The following AGBL1 variants were observed in gnomAD, a reference collection of about 807,000 sequenced individuals.
AGBL1 encodes the protein AGBL carboxypeptidase 1, also known as cytosolic carboxypeptidase 4.
Under a neutral mutation model 118.9 loss-of-function variants are expected in AGBL1, and 130 were observed. The ratio of observed to expected loss-of-function variants is 1.09; its 90% CI spans 0.95 to 1.26. The LOEUF (loss-of-function observed/expected upper bound fraction) is 1.26. AGBL1 is among the 50% of genes most tolerant of loss of function. AGBL1 has a pLI of 0.00. For missense variants in AGBL1, 1,584 were observed against 1,298.1 expected (o/e 1.22, Z -3.38); for synonymous variants, 555 against 478.9 (o/e 1.16, Z -2.08).
intron 18 of AGBL1, among the ~76,000 whole-genome samples, chr15:86,493,545 T>C (rs1045534037): frequency 6.6e-6 from 1 of 152,036 alleles, no homozygotes; most frequent in Non-Finnish European, 1.5e-5. Flanking sequence ...CTTGGCCCAT[T>C]GAGAGCCAGA....
At chr15:86,714,164 G>T (rs1020960004) in intron 22 of AGBL1, among the ~76,000 whole-genome samples, 2 of 152,204 alleles carry the variant, frequency 1.3e-5, no homozygotes, top group East Asian at 1.9e-4. Context: ...TATAAACACA[G>T]AATTAATTAT....
intron 22 of AGBL1, among the ~76,000 whole-genome samples, chr15:86,739,980 C>T (rs966986239): frequency 2.6e-5 from 4 of 152,180 alleles, no homozygotes; most frequent in Non-Finnish European, 5.9e-5. Flanking sequence ...ACCCCTTTCA[C>T]CTTTAAAGCC....
chr15:86,894,006 T>C (rs907018579), intron 22 of AGBL1, among the ~76,000 whole-genome samples: 1 of 152,210 alleles, frequency 6.6e-6, no homozygotes, highest in Admixed American at 6.5e-5. Flanking sequence ...TATCTGACTC[T>C]AATTTTATGT....
downstream of AGBL1, among the ~76,000 whole-genome samples, chr15:86,920,867 C>T (rs2080475721): frequency 6.6e-6 from 1 of 152,122 alleles, no homozygotes; most frequent in Non-Finnish European, 1.5e-5. Context: ...CTTCATTTTG[C>T]CTGAGCTGGG....
At chr15:87,012,296 C>T (rs937027958) in intron 24 of AGBL1, among the ~76,000 whole-genome samples, 1 of 150,630 alleles carries the variant, frequency 6.6e-6, no homozygotes, top group African/African-American at 2.4e-5. Context: ...AATGTAGTAA[C>T]ATAAAGCTAA....
intron 23 of AGBL1, among the ~76,000 whole-genome samples, chr15:86,953,829 T>C (rs1297226170): frequency 5.3e-5 from 8 of 152,184 alleles, no homozygotes; most frequent in African/African-American, 1.9e-4. Flanking sequence ...TGGAAGAGTC[T>C]TTAGGGTTTT....
chr15:86,273,017 A>G (rs1216979915), intron 15 of AGBL1, among the ~76,000 whole-genome samples: 1 of 152,242 alleles, frequency 6.6e-6, no homozygotes, highest in Non-Finnish European at 1.5e-5. Flanking sequence ...TGGTGTGTCA[A>G]GAATGACTTT....
At chr15:86,313,111 T>G (rs1359534334) in intron 17 of AGBL1, among the ~76,000 whole-genome samples, 1 of 152,168 alleles carries the variant, frequency 6.6e-6, no homozygotes, top group African/African-American at 2.4e-5. Context: ...GATGGAAGCT[T>G]AATTTGAGGT....
chr15:86,393,347 T>A (rs1205935016), intron 17 of AGBL1, among the ~76,000 whole-genome samples: 4 of 152,184 alleles, frequency 2.6e-5, no homozygotes, highest in Non-Finnish European at 5.9e-5. Context: ...AATGGAAGTG[T>A]TTTGTTAGTG....
intron 22 of AGBL1, among the ~76,000 whole-genome samples, chr15:86,898,471 C>T (rs1419307210): frequency 6.6e-6 from 1 of 152,086 alleles, no homozygotes; most frequent in Non-Finnish European, 1.5e-5. Flanking sequence ...AGTCTTTTTC[C>T]CATTGCTTGT....
At chr15:86,492,390 G>A (rs377537152) in intron 18 of AGBL1, among the ~76,000 whole-genome samples, 63 of 152,122 alleles carry the variant, frequency 4.1e-4, no homozygotes, top group African/African-American at 1.5e-3. Flanking sequence ...AGGAGTTCAA[G>A]ACCAGTGTGG....
chr15:86,540,087 C>T (rs2083474076), intron 19 of AGBL1, among the ~76,000 whole-genome samples: 1 of 152,076 alleles, frequency 6.6e-6, no homozygotes, highest in African/African-American at 2.4e-5. Context: ...GTGTTCTCGG[C>T]CACAAAATGA....
chr15:86,585,578 C>G (rs2084234301), intron 21 of AGBL1, among the ~76,000 whole-genome samples: 1 of 152,060 alleles, frequency 6.6e-6, no homozygotes, highest in South Asian at 2.1e-4. Context: ...GTTTCCCAGG[C>G]TGGTCTTGAA....
chr15:86,875,959 A>T (rs1209288457), intron 22 of AGBL1, among the ~76,000 whole-genome samples: 5 of 152,212 alleles, frequency 3.3e-5, no homozygotes, highest in Non-Finnish European at 7.3e-5. Context: ...TTGGTAAAGA[A>T]GGAAACAAAG....
intron 1 of AGBL1, among the ~76,000 whole-genome samples, chr15:86,117,025 A>G (rs1897809136): frequency 6.6e-6 from 1 of 151,666 alleles, no homozygotes. Context: ...GTCATCATCA[A>G]AGTCTTGTTG....
chr15:86,359,110 C>G (rs2080764076), intron 17 of AGBL1, among the ~76,000 whole-genome samples: 1 of 151,902 alleles, frequency 6.6e-6, no homozygotes. Flanking sequence ...CCAATATTAA[C>G]AAGCTTTTCC....
At position 86,611,710 on chromosome 15, in the gene AGBL1, T is replaced by TC. The variant is rs1353753336; in HGVS notation, c.2994+57173_2994+57174insC. On this transcript the variant is annotated intron_variant, in intron 21 of 22. Coordinates refer to ENST00000614907, the MANE Select transcript of AGBL1 (RefSeq NM_001386094.1). ...AGACAACGTACATTTCTGTGGGATT[T>TC]TTTAAAGCATGATACTCACAGGCAA... Among the ~76,000 whole-genome samples, 22 of 151,866 alleles carry TC rather than the reference T, an allele frequency of 1.4e-4. No homozygotes were observed. In the South Asian group the frequency reaches 4.4e-3, roughly 30 times the overall value.
At chr15:86,178,815 A>G (rs565062518) in intron 5 of AGBL1, among the ~76,000 whole-genome samples, 18 of 152,214 alleles carry the variant, frequency 1.2e-4, no homozygotes, top group Non-Finnish European at 1.8e-4. Flanking sequence ...TCTCTTTTTT[A>G]AAATATTCAT....
chr15:86,784,852 A>G (rs1377715245), intron 22 of AGBL1, among the ~76,000 whole-genome samples: 1 of 152,168 alleles, frequency 6.6e-6, no homozygotes, highest in Non-Finnish European at 1.5e-5. Flanking sequence ...ATGGAGTTTG[A>G]CGTCATTGGA....
Sources: allele counts gnomAD v4.1 joint callset (sites outside exome capture counted in the v4.1 genomes callset), GRCh38; gene constraint gnomAD v4.1.1; transcripts MANE v1.5; gene names NCBI Gene and HGNC (gene_info 2026-07-23, HGNC 2026-07-21).